The following SLC4A10 variants were observed in gnomAD, a reference collection of about 807,000 sequenced individuals.
SLC4A10 encodes sodium-driven chloride bicarbonate exchanger.
SLC4A10 carries 42 observed loss-of-function variants against 137.7 expected under a neutral mutation model. The ratio of observed to expected loss-of-function variants is 0.30; its 90% CI spans 0.24 to 0.39. The LOEUF (loss-of-function observed/expected upper bound fraction) is 0.39, where lower values mean the gene tolerates loss of function less well. SLC4A10 is among the 10% of genes least tolerant of loss of function. The pLI is 1.00. For missense variants in SLC4A10, 925 were observed against 1,355.0 expected, an observed-to-expected ratio of 0.68 and a Z score of 4.98; for synonymous variants, 474 against 464.1, an observed-to-expected ratio of 1.02 and a Z score of -0.27.
chr2:161,719,664 A>T (rs938708870), intron 1 of SLC4A10, among the ~76,000 whole-genome samples: 2 of 152,106 alleles, frequency 1.3e-5, no homozygotes, highest in Admixed American at 1.3e-4. Flanking sequence ...GATGATGAGC[A>T]TTTTTTTATG....
At chr2:161,968,483 T>A (rs562475653) in intron 23 of SLC4A10, among the ~76,000 whole-genome samples, 103 of 152,306 alleles carry the variant, frequency 6.8e-4, no homozygotes, top group Non-Finnish European at 1.2e-3. Flanking sequence ...GATACAAAAA[T>A]GGATTAAAGA....
intron 1 of SLC4A10, among the ~76,000 whole-genome samples, chr2:161,656,061 C>T (rs1381816760): frequency 6.6e-6 from 1 of 152,100 alleles, no homozygotes; most frequent in Non-Finnish European, 1.5e-5. Flanking sequence ...ATCCAACCCC[C>T]TCGGCCTCCC....
At chr2:161,817,827 C>G (rs1304479914) in intron 3 of SLC4A10, among the ~76,000 whole-genome samples, 1 of 151,846 alleles carries the variant, frequency 6.6e-6, no homozygotes, top group Non-Finnish European at 1.5e-5. Flanking sequence ...CTGTTCTGTT[C>G]CATTGATCTA....
intron 1 of SLC4A10, among the ~76,000 whole-genome samples, chr2:161,747,424 G>T (rs978222448): frequency 6.6e-6 from 1 of 152,064 alleles, no homozygotes; most frequent in Non-Finnish European, 1.5e-5. Context: ...ACTGCCAGGG[G>T]ATGGGGGAGG....
intron 24 of SLC4A10, among the ~76,000 whole-genome samples, 175 bp downstream of exon 24, chr2:161,974,491 G>A (rs372050059): frequency 2.6e-5 from 4 of 152,056 alleles, no homozygotes; most frequent in East Asian, 1.9e-4. Flanking sequence ...AATAATAGCC[G>A]TGTGACTATA....
chr2:161,626,713 A>G (rs1207421559), intron 1 of SLC4A10, among the ~76,000 whole-genome samples: 1 of 152,174 alleles, frequency 6.6e-6, no homozygotes, highest in Non-Finnish European at 1.5e-5. Flanking sequence ...AGGCACAGGG[A>G]GTCTGAATAA....
At chr2:161,887,628 A>G (rs945401549) in intron 10 of SLC4A10, among the ~76,000 whole-genome samples, 4 of 151,988 alleles carry the variant, frequency 2.6e-5, no homozygotes, top group Admixed American at 6.6e-5. Flanking sequence ...TTCTGTTCAT[A>G]TCCTTTACCC....
At chr2:161,703,464 T>C (rs1463632724) in intron 1 of SLC4A10, among the ~76,000 whole-genome samples, 1 of 151,692 alleles carries the variant, frequency 6.6e-6, no homozygotes, top group Non-Finnish European at 1.5e-5. Flanking sequence ...AACTAAAATA[T>C]CAATAATGGT....
chr2:161,785,392 T>C (rs897989186), intron 2 of SLC4A10, among the ~76,000 whole-genome samples: 2 of 135,150 alleles, frequency 1.5e-5, no homozygotes, highest in African/African-American at 7.1e-5. Flanking sequence ...ATTACCCTGA[T>C]ACCAAAGCCA....
At chr2:161,808,922 A>G (rs1247084720) in intron 3 of SLC4A10, among the ~76,000 whole-genome samples, 2 of 152,312 alleles carry the variant, frequency 1.3e-5, no homozygotes, top group East Asian at 1.9e-4. Context: ...TTCTTTGAGT[A>G]TATACCCAGT....
At chr2:161,673,897 G>A (rs1165516525) in intron 1 of SLC4A10, among the ~76,000 whole-genome samples, 7 of 152,174 alleles carry the variant, frequency 4.6e-5, no homozygotes, top group African/African-American at 1.7e-4. Flanking sequence ...GGCTGAGGCA[G>A]GAGAATCGCT....
chr2:161,634,542 T>C (rs1269789886), intron 1 of SLC4A10, among the ~76,000 whole-genome samples: 1 of 151,956 alleles, frequency 6.6e-6, no homozygotes, highest in Non-Finnish European at 1.5e-5. Flanking sequence ...GTCTGCCTCA[T>C]GACTTTTTAA....
intron 1 of SLC4A10, among the ~76,000 whole-genome samples, chr2:161,701,259 T>G (rs1388462497): frequency 6.6e-6 from 1 of 152,014 alleles, no homozygotes. Flanking sequence ...TTTTTTCTTT[T>G]AGGTGTTTTT....
chr2:161,980,913 G>C (rs1055925876), intron 26 of SLC4A10, among the ~76,000 whole-genome samples: 3 of 152,182 alleles, frequency 2.0e-5, no homozygotes, highest in African/African-American at 7.2e-5. Flanking sequence ...TACAATGAAA[G>C]CTTAAAATTG....
chr2:161,894,274 T>C (rs904264217), intron 10 of SLC4A10, among the ~76,000 whole-genome samples: 1 of 152,146 alleles, frequency 6.6e-6, no homozygotes, highest in Non-Finnish European at 1.5e-5. Flanking sequence ...TAAATTAATT[T>C]ATTTATGCCA....
intron 1 of SLC4A10, among the ~76,000 whole-genome samples, chr2:161,681,678 G>C (rs912336176): frequency 1.3e-5 from 2 of 152,092 alleles, no homozygotes; most frequent in South Asian, 2.1e-4. Flanking sequence ...TTCATCTGCA[G>C]GACATTTACA....
intron 6 of SLC4A10, among the ~76,000 whole-genome samples, chr2:161,871,528 C>T (rs2061123754): frequency 6.6e-6 from 1 of 151,946 alleles, no homozygotes. Flanking sequence ...CTAGCCATTG[C>T]CACACTCCCA....
chr2:161,819,071 A>T (rs1366194838), intron 3 of SLC4A10, among the ~76,000 whole-genome samples: 3 of 152,220 alleles, frequency 2.0e-5, no homozygotes, highest in Non-Finnish European at 4.4e-5. Flanking sequence ...ACTCCAACGT[A>T]TAAGCAACAT....
chr2:161,679,931 G>A (rs1052646947), intron 1 of SLC4A10, among the ~76,000 whole-genome samples: 3 of 151,916 alleles, frequency 2.0e-5, no homozygotes, highest in Non-Finnish European at 4.4e-5. Flanking sequence ...CTCTAGCCAT[G>A]GCCTGTATTT....
Sources: gnomAD v4.1 joint callset for allele counts (sites outside exome capture counted in the v4.1 genomes callset) on GRCh38, gnomAD v4.1.1 for gene constraint, MANE v1.5 for transcripts, NCBI Gene and HGNC (gene_info 2026-07-23, HGNC 2026-07-21) for gene names.